Variants in WDR81 observed in about 807,000 individuals in gnomAD.
The protein encoded by WDR81 is WD repeat domain 81, also known as WD repeat-containing protein 81.
A neutral mutation model predicts 140.8 loss-of-function variants in WDR81; 92 were observed. That is an observed-to-expected ratio of 0.65 (90% confidence interval 0.55 to 0.78). The LOEUF is 0.78. WDR81 is among the 30% of genes least tolerant of loss of function. The pLI, the probability that WDR81 is intolerant of heterozygous loss-of-function variation, is 0.00. For synonymous variants in WDR81, 1,183 were observed against 1,156.4 expected (o/e 1.02, Z -0.47); for missense variants, 2,502 against 2,636.4 (o/e 0.95, Z 1.12).
Position 1,726,460 on chromosome 17 carries a change from A to G in WDR81, c.1501A>G (p.Ile501Val). ...CIPEFYTDPSIFRSIHPDMPD... is the reference protein window; with the variant it reads ...CIPEFYTDPSVFRSIHPDMPD... The stretch of plus-strand genomic sequence containing the variant: ...TCCGGAGTTCTACACCGATCCCTCT[A>G]TCTTCCGCTCCATCCACCCCGACAT... The change falls in exon 1 of 10, where the codon ATC becomes GTC. Residue 501 changes from isoleucine (I) to valine (V), a missense_variant. This residue lies in a region of WDR81 where 218 missense variants were observed against 279.6 expected (regional missense o/e 0.78). Coordinates refer to ENST00000409644, the MANE Select transcript of WDR81 (RefSeq NM_001163809.2). The G allele has an allele frequency of 1.4e-5, 22 of 1,550,320 alleles. No individual in the cohort carries two copies. The highest frequency in any genetic ancestry group is 2.4e-5 in the East Asian group (1 of 40,902).
At chr17:1,716,906 C>T (rs890898998) in intron 1 of WDR81, 12 of 562,074 alleles carry the variant, frequency 2.1e-5, no homozygotes, top group African/African-American at 1.5e-4. Flanking sequence ...TCGCCCAGCC[C>T]ACTCCTCCTG....
intron 3 of WDR81, 24 bp downstream of exon 3, chr17:1,730,969 C>T (rs770569122): frequency 4.5e-5 from 73 of 1,609,786 alleles, no homozygotes; most frequent in East Asian, 2.5e-4. Flanking sequence ...TTGGCAGGCC[C>T]GGGGCTGGGA....
upstream of WDR81, among the ~76,000 whole-genome samples, chr17:1,722,106 A>G (rs1914895721): frequency 6.6e-6 from 1 of 152,010 alleles, no homozygotes; most frequent in African/African-American, 2.4e-5. Flanking sequence ...CTGGGCAACA[A>G]GAGCGAAACT....
In WDR81 at chr17:1,732,352, C is replaced by T. The variant is rs747024474; in HGVS notation, c.4185C>T (p.Thr1395=). 3.1e-6 allele frequency: 5 copies of T among 1,613,404 alleles called. No individual in the cohort carries two copies. In the South Asian group the frequency reaches 3.3e-5, roughly 11 times the overall value. ...TCCCAAGTGGGGCCCAGGCTCGGACCATCCTGTGTGTGAAAACCATCAGCC... is the reference window on the plus strand; with the variant it reads ...TCCCAAGTGGGGCCCAGGCTCGGACTATCCTGTGTGTGAAAACCATCAGCC... The part of the protein sequence containing the change: ...TGFPSGAQAR[T]ILCVKTISLI... Residue 1395 remains threonine, a synonymous_variant, in exon 5 of 10, where the codon ACC becomes ACT. Transcript: ENST00000409644.
In WDR81 at chr17:1,726,944, C is replaced by G; in HGVS notation, c.1985C>G (p.Ala662Gly). 6.4e-7 allele frequency: 1 copy of G among 1,550,456 alleles called. No individual in the cohort carries two copies. The highest frequency in any genetic ancestry group is 8.7e-7 in the Non-Finnish European group (1 of 1,146,984). Reference protein sequence around the residue: ...PVAGEDDLEQATEALDSISLA... With the variant: ...PVAGEDDLEQGTEALDSISLA... The stretch of plus-strand genomic sequence containing the variant: ...GCAGGAGAAGACGACTTGGAACAGG[C>G]CACAGAAGCTCTGGATTCCATTTCC... The change falls in exon 1 of 10, where the codon GCC (alanine) becomes GGC (glycine). Residue 662 changes from alanine to glycine, a missense_variant. Around this residue, in one of 3 missense-constraint regions of WDR81, gnomAD observed 1,737 missense variants for 1,843.0 expected, o/e 0.94. Coordinates refer to ENST00000409644, the MANE Select transcript of WDR81 (RefSeq NM_001163809.2).
In WDR81 at chr17:1,737,536, G is replaced by A. The variant is rs139156426; in HGVS notation, c.5677G>A (p.Val1893Ile). ...VTGTVSNKIG[V>I]CSLLEPPSQA... The stretch of plus-strand genomic sequence containing the variant: ...TGGCACCGTGTCCAACAAGATTGGC[G>A]TCTGCTCCCTGCTTGAGCCACCCTC... Residue 1893 changes from valine (V) to isoleucine (I), a missense_variant, in exon 10 of 10, where the codon GTC (valine) becomes ATC (isoleucine). Around this residue, in one of 3 missense-constraint regions of WDR81, gnomAD observed 1,737 missense variants for 1,843.0 expected, o/e 0.94. Coordinates refer to ENST00000409644, the MANE Select transcript of WDR81 (RefSeq NM_001163809.2). 183 of 1,613,050 alleles carry A rather than the reference G, an allele frequency of 1.1e-4. 1 individual carries two copies. The highest frequency in any genetic ancestry group is 2.5e-4 in the East Asian group (11 of 44,888).
At chr17:1,718,554 G>T (rs906193954) in intron 1 of WDR81, among the ~76,000 whole-genome samples, 1 of 152,232 alleles carries the variant, frequency 6.6e-6, no homozygotes, top group African/African-American at 2.4e-5. Flanking sequence ...ACTGCAGGTG[G>T]GACACGTTGG....
Position 1,735,321 on chromosome 17 carries a change from C to T in WDR81, c.5180-251C>T, listed in dbSNP as rs569206978. 1.1e-3 allele frequency among the ~76,000 whole-genome samples: 166 copies of T among 152,206 alleles called. No homozygotes were observed. The highest frequency in any genetic ancestry group is 3.4e-3 in the Middle Eastern group (1 of 294). ...GCGGACGCCTGTAGTCCCAGCTATT[C>T]GGGAGGCTGAGGCAAGAGAATTGCT... On this transcript the variant is annotated intron_variant, in intron 7 of 9. Coordinates refer to ENST00000409644, the MANE Select transcript of WDR81 (RefSeq NM_001163809.2). This position sits in a 1 kb window ranked among gnomAD's most constrained non-coding sequence, Gnocchi z 4.2.
Position 1,728,554 on chromosome 17 carries a change from G to T in WDR81, c.3595G>T (p.Gly1199Trp), listed in dbSNP as rs369944815. The change falls in exon 1 of 10, where the codon GGG becomes TGG. Residue 1199 changes from glycine (G) to tryptophan (W), a missense_variant. Gly to Trp is a radical substitution (Grantham distance 184). This residue lies in a region of WDR81 where 1,737 missense variants were observed against 1,843.0 expected (regional missense o/e 0.94). Coordinates refer to ENST00000409644, the MANE Select transcript of WDR81 (RefSeq NM_001163809.2). The part of the protein sequence containing the change: ...SMETVVAGGS[G>W]GDGEEEEEAL... The stretch of plus-strand genomic sequence containing the variant: ...GGAGACGGTTGTGGCCGGCGGCAGT[G>T]GGGGAGATGGAGAAGAAGAGGAGGA... 17 of 1,527,116 alleles carry T rather than the reference G, an allele frequency of 1.1e-5. No homozygotes were observed. The highest frequency in any genetic ancestry group is 1.7e-4 in the Middle Eastern group (1 of 5,856). The allele number at this position is 1,527,116 out of a possible 1,614,324, so 94.6% of individuals were successfully genotyped here.
At position 1,735,824 on chromosome 17, in the gene WDR81, G is replaced by C. The variant is rs1904814500; in HGVS notation, c.5325+107G>C. On this transcript the variant is annotated intron_variant, in intron 8 of 9. Coordinates refer to ENST00000409644, the MANE Select transcript of WDR81 (RefSeq NM_001163809.2). This position sits in a 1 kb window ranked among gnomAD's most constrained non-coding sequence, Gnocchi z 4.2. ...GCCAGGATGTTGTTCTGGGGCCCTA[G>C]TTAGTTTCTCTTTGGTGCTAGATCA... The C allele has an allele frequency of 1.4e-6, 2 of 1,462,056 alleles. No homozygotes were observed. Among genetic ancestry groups the C allele is most frequent in the South Asian group, 1.4e-5 (1 of 72,998 alleles). The allele number at this position is 1,462,056 out of a possible 1,614,324, so 90.6% of individuals were successfully genotyped here. A position where few individuals can be genotyped will look rare whatever the true frequency, so the allele number is the denominator to read the frequency against.
At chr17:1,722,598 A>G (rs57937546), upstream of WDR81, among the ~76,000 whole-genome samples, 42,045 of 151,454 alleles carry the variant, frequency 0.28, 6,160 homozygotes, top group East Asian at 0.51. Flanking sequence ...TGCCCATCTC[A>G]GCCTCCCAAA....
intron 1 of WDR81, chr17:1,716,685 A>T (rs1029827371): frequency 1.3e-6 from 2 of 1,539,522 alleles, no homozygotes; most frequent in South Asian, 1.2e-5. Flanking sequence ...GGAAGTCCTT[A>T]AAGGGCGACA....
Position 1,726,736 on chromosome 17 carries a change from G to A in WDR81, c.1777G>A (p.Ala593Thr), listed in dbSNP as rs1308697490. 3.2e-6 allele frequency: 5 copies of A among 1,547,898 alleles called. No individual in the cohort carries two copies. Among genetic ancestry groups the A allele is most frequent in the Non-Finnish European group, 4.4e-6 (5 of 1,146,458 alleles). The change falls in exon 1 of 10, where the codon GCT (alanine) becomes ACT (threonine). Residue 593 changes from alanine (A) to threonine (T), a missense_variant. By Grantham distance (58) the Ala-to-Thr change is moderately conservative (BLOSUM62 0). Around this residue, in one of 3 missense-constraint regions of WDR81, gnomAD observed 1,737 missense variants for 1,843.0 expected, o/e 0.94. Coordinates refer to ENST00000409644, the MANE Select transcript of WDR81 (RefSeq NM_001163809.2). ...LFDQPHPQRL[A>T]GAPALAPEPP... is the part of the protein sequence containing the mutation. Reference sequence around the variant, plus strand: ...CGATCAGCCACACCCCCAGCGCCTGGCTGGGGCTCCTGCCCTTGCCCCCGA... The same window carrying A: ...CGATCAGCCACACCCCCAGCGCCTGACTGGGGCTCCTGCCCTTGCCCCCGA...
In WDR81 at chr17:1,726,311, A is replaced by G; in HGVS notation, c.1352A>G (p.Tyr451Cys). ...GACGTGCTCTCCGACATCACGTACT[A>G]TGTGTACAAGGCTCGGCGCACGCCT... The part of the protein sequence containing the change: ...ISDVLSDITY[Y>C]VYKARRTPRS... Residue 451 changes from tyrosine to cysteine, a missense_variant, in exon 1 of 10, where the codon TAT (tyrosine) becomes TGT (cysteine). Tyr to Cys is a radical substitution (Grantham distance 194). This residue lies in a region of WDR81 where 218 missense variants were observed against 279.6 expected (regional missense o/e 0.78). Coordinates refer to ENST00000409644, the MANE Select transcript of WDR81 (RefSeq NM_001163809.2). The G allele has an allele frequency of 1.3e-6, 2 of 1,544,198 alleles. No individual in the cohort carries two copies. Among genetic ancestry groups the G allele is most frequent in the South Asian group, 2.4e-5 (2 of 83,558 alleles).
At chr17:1,720,924 G>A (rs529601066), upstream of WDR81, among the ~76,000 whole-genome samples, 5 of 152,234 alleles carry the variant, frequency 3.3e-5, no homozygotes, top group South Asian at 1.0e-3. Context: ...ATTTCAAGAG[G>A]TAAAATTAGG....
chr17:1,719,222 G>A (rs1914738142), intron 1 of WDR81, among the ~76,000 whole-genome samples: 1 of 152,198 alleles, frequency 6.6e-6, no homozygotes, highest in Admixed American at 6.5e-5. Context: ...AAGCCTTGTT[G>A]TAGGGATTTC....
chr17:1,720,140 T>G (rs890851036), upstream of WDR81, among the ~76,000 whole-genome samples: 3 of 152,236 alleles, frequency 2.0e-5, no homozygotes, highest in Admixed American at 6.5e-5. Context: ...CTTTTCTCCC[T>G]GCCGGATTAG....
At position 1,728,489 on chromosome 17, in the gene WDR81, G is replaced by C. The variant is rs1286943154; in HGVS notation, c.3530G>C (p.Gly1177Ala). The change falls in exon 1 of 10, where the codon GGG becomes GCG. Residue 1177 changes from glycine (G) to alanine (A), a missense_variant. Physicochemically the swap from Gly to Ala is moderately conservative, Grantham distance 60. Transcript: ENST00000409644. ...GAGGGGGAGCAGGAGGAGGTCACCG[G>C]GGCATCTGAGCTCACTCTGTCTGAC... The part of the protein sequence containing the change: ...EEEGEQEEVT[G>A]ASELTLSDTV... The C allele has an allele frequency of 1.9e-6, 3 of 1,599,676 alleles. No homozygotes were observed. In the African/African-American group the frequency reaches 4.0e-5, roughly 21 times the overall value.
At position 1,735,276 on chromosome 17, in the gene WDR81, A is replaced by G. The variant is rs1013886503; in HGVS notation, c.5180-296A>G. On this transcript the variant is annotated intron_variant, in intron 7 of 9. Transcript: ENST00000409644. This position sits in a 1 kb window ranked among gnomAD's most constrained non-coding sequence, Gnocchi z 4.2. ...AACCCCGTCTCTACCAAAAATACAAAAAATTAGCCAGGCGTGGTGGCGGAC... is the reference window on the plus strand; with the variant it reads ...AACCCCGTCTCTACCAAAAATACAAGAAATTAGCCAGGCGTGGTGGCGGAC... Among the ~76,000 whole-genome samples, 4 of 152,140 alleles carry G rather than the reference A, an allele frequency of 2.6e-5. No homozygotes were observed. The highest frequency in any genetic ancestry group is 9.7e-5 in the African/African-American group (4 of 41,434).
Sources: allele counts gnomAD v4.1 joint callset (sites outside exome capture counted in the v4.1 genomes callset), GRCh38; gene constraint gnomAD v4.1.1; regional missense constraint gnomAD v4.1.1; non-coding constraint Gnocchi (gnomAD v3.1); transcripts MANE v1.5; gene names NCBI Gene and HGNC (gene_info 2026-07-23, HGNC 2026-07-21).